The following SLC26A7 variants were observed in gnomAD, a reference collection of about 807,000 sequenced individuals.
SLC26A7 encodes solute carrier family 26 member 7.
A neutral mutation model predicts 82.5 loss-of-function variants in SLC26A7; 59 were observed. The ratio of observed to expected loss-of-function variants is 0.72; its 90% CI spans 0.58 to 0.89. The LOEUF is 0.89. Among genes scored for constraint, SLC26A7 ranks in the 40% least tolerant of loss-of-function variants. The pLI, the probability that SLC26A7 is intolerant of heterozygous loss-of-function variation, is 0.00. For missense variants in SLC26A7, 820 were observed against 793.0 expected, an observed-to-expected ratio of 1.03 and a Z score of -0.41; for synonymous variants, 271 against 274.3, an observed-to-expected ratio of 0.99 and a Z score of 0.12.
At chr8:91,262,860 T>C (rs1811006609) in intron 2 of SLC26A7, among the ~76,000 whole-genome samples, 1 of 152,078 alleles carries the variant, frequency 6.6e-6, no homozygotes, top group Non-Finnish European at 1.5e-5. Context: ...GTGCTTAATT[T>C]CATAAATATT....
intron 8 of SLC26A7, among the ~76,000 whole-genome samples, chr8:91,341,259 T>C (rs995622192): frequency 2.6e-5 from 4 of 152,118 alleles, no homozygotes; most frequent in East Asian, 1.9e-4. Flanking sequence ...GTTCTTGCGA[T>C]AGTTTACTGA....
intron 2 of SLC26A7, among the ~76,000 whole-genome samples, chr8:91,239,395 A>AAATAT (rs1554600121): frequency 2.1e-5 from 2 of 94,856 alleles, no homozygotes; most frequent in African/African-American, 3.5e-5. Flanking sequence ...AAAAAAAAAA[A>AAATAT]ATATATATAT....
intron 15 of SLC26A7, among the ~76,000 whole-genome samples, chr8:91,373,781 A>C (rs751379955): frequency 1.1e-4 from 16 of 152,038 alleles, no homozygotes; most frequent in Non-Finnish European, 1.9e-4. Flanking sequence ...ACTTTTTGGA[A>C]TAGTTTCAAT....
intron 14 of SLC26A7, 69 bp from the exon 15 acceptor site, chr8:91,369,716 A>G (rs1814300030): frequency 3.5e-6 from 4 of 1,147,044 alleles, no homozygotes; most frequent in Middle Eastern, 2.0e-4. Context: ...TAAAAGAATT[A>G]TGTGATTTTT....
At position 91,395,547 on chromosome 8, in the gene SLC26A7, T is replaced by G. The variant is rs951158800; in HGVS notation, c.*450T>G. 5 of 161,288 alleles carry G rather than the reference T, an allele frequency of 3.1e-5. No individual in the cohort carries two copies. The highest frequency in any genetic ancestry group is 6.8e-5 in the Non-Finnish European group (5 of 73,382). The allele number at this position is 161,288 out of a possible 1,614,324, so 10.0% of individuals were successfully genotyped here. On this transcript the variant is annotated 3_prime_UTR_variant, in exon 19 of 19. Transcript: ENST00000276609. ...AGCAAATGTGCCATTTTCACACAAC[T>G]TCTCTCTGTATAGGCCTCTGAAATA...
chr8:91,352,336 C>A lies in SLC26A7; in HGVS notation c.1218+449C>A, dbSNP rs568924428. Among the ~76,000 whole-genome samples, 3 of 152,148 alleles carry A rather than the reference C, an allele frequency of 2.0e-5. No individual in the cohort carries two copies. The South Asian group carries it at 6.2e-4, about 32-fold the overall frequency. ...GTGCTTCACCTTCTTCTTCATAAGC[C>A]TGAGGCACTAAAGGAATGCAAAACA... On this transcript the variant is annotated intron_variant, in intron 10 of 18. Transcript: ENST00000276609.
chr8:91,393,477 TC>T (rs966335521), intron 16 of SLC26A7, among the ~76,000 whole-genome samples: 4 of 152,142 alleles, frequency 2.6e-5, no homozygotes, highest in African/African-American at 9.7e-5. Flanking sequence ...TGGGTCCTTG[TC>T]TTCTATTAAA....
At chr8:91,362,325 C>A in intron 11 of SLC26A7, 28 bp from the exon 12 acceptor site, 1 of 1,559,996 alleles carries the variant, frequency 6.4e-7, no homozygotes, top group Non-Finnish European at 8.8e-7. Context: ...AAAGGATTCA[C>A]AACTTCTGTT....
intron 4 of SLC26A7, among the ~76,000 whole-genome samples, chr8:91,302,940 T>A (rs1377935641): frequency 6.6e-6 from 1 of 152,022 alleles, no homozygotes; most frequent in Admixed American, 6.6e-5. Flanking sequence ...CTCATGCAAT[T>A]TCTGACAGTT....
chr8:91,371,950 T>A (rs928358376), intron 15 of SLC26A7, among the ~76,000 whole-genome samples: 2 of 152,060 alleles, frequency 1.3e-5, no homozygotes, highest in African/African-American at 4.8e-5. Flanking sequence ...TGTGAGATGG[T>A]ATCTGATTTG....
rs1187475292 is a variant in SLC26A7 at position 91,230,865 on chromosome 8, A to G, written c.-34+11860A>G. ...TAATCAAGCAAGGAGGAAAAAGACC[A>G]AATTGAATTTATAAGACTAGTCTGC... On this transcript the variant is annotated intron_variant, in intron 2 of 5. Transcript: ENST00000522862. Among the ~76,000 whole-genome samples, 3 of 151,946 alleles carry G rather than the reference A, an allele frequency of 2.0e-5. No individual in the cohort carries two copies. The East Asian group carries it at 5.8e-4, about 29-fold the overall frequency.
intron 11 of SLC26A7, 109 bp downstream of exon 11, chr8:91,353,105 G>T: frequency 1.5e-6 from 1 of 663,248 alleles, no homozygotes; most frequent in Admixed American, 3.5e-5. Context: ...TTTGAGACTT[G>T]TACACTTTAC....
chr8:91,292,121 C>T (rs556878205), intron 3 of SLC26A7, among the ~76,000 whole-genome samples: 5 of 152,038 alleles, frequency 3.3e-5, no homozygotes, highest in South Asian at 4.2e-4. Flanking sequence ...CTGGCTAACA[C>T]GGTGAAACCC....
intron 2 of SLC26A7, among the ~76,000 whole-genome samples, chr8:91,279,129 A>G (rs79043851): frequency 0.17 from 3,153 of 18,476 alleles, 29 homozygotes; most frequent in Non-Finnish European, 0.24. Context: ...GTGTGTGTAT[A>G]TATATATATA....
At chr8:91,386,439 AAG>A (rs1380821018) in intron 15 of SLC26A7, among the ~76,000 whole-genome samples, 1 of 152,152 alleles carries the variant, frequency 6.6e-6, no homozygotes, top group Non-Finnish European at 1.5e-5. Context: ...TATTTTATAA[AAG>A]AGGTATCATT....
At chr8:91,289,109 T>C (rs750254644) in intron 2 of SLC26A7, 27 bp from the exon 3 acceptor site, 1 of 1,537,648 alleles carries the variant, frequency 6.5e-7, no homozygotes, top group Non-Finnish European at 9.0e-7. Context: ...TATAAGGTGG[T>C]TTTAATTACC....
chr8:91,284,288 A>G (rs755566426), intron 2 of SLC26A7, among the ~76,000 whole-genome samples: 1 of 152,234 alleles, frequency 6.6e-6, no homozygotes, highest in Non-Finnish European at 1.5e-5. Context: ...ATACCCTAAC[A>G]GCAACTCTGG....
chr8:91,312,076 A>G (rs1186761179), intron 4 of SLC26A7, among the ~76,000 whole-genome samples: 1 of 152,114 alleles, frequency 6.6e-6, no homozygotes, highest in Admixed American at 6.6e-5. Flanking sequence ...TTCAACTTGT[A>G]AAACTGAAAC....
chr8:91,326,284 A>G (rs116647462), intron 5 of SLC26A7, among the ~76,000 whole-genome samples: 1,567 of 152,298 alleles, frequency 0.01, 32 homozygotes, highest in African/African-American at 0.036. Context: ...ACAATAAACT[A>G]TCACAGACGA....
Sources: gnomAD v4.1 joint callset for allele counts (sites outside exome capture counted in the v4.1 genomes callset) on GRCh38, gnomAD v4.1.1 for gene constraint, MANE v1.5 for transcripts, NCBI Gene and HGNC (gene_info 2026-07-23, HGNC 2026-07-21) for gene names.